The following ADGRB3 variants were observed in gnomAD, a reference collection of about 807,000 sequenced individuals.
ADGRB3 encodes the protein adhesion G protein-coupled receptor B3.
In ADGRB3, 37 loss-of-function variants were observed where a neutral mutation model predicts 193.4. The ratio of observed to expected loss-of-function variants is 0.19; its 90% confidence interval spans 0.15 to 0.25. ADGRB3 has a LOEUF of 0.25. Ranked by LOEUF, ADGRB3 falls within the 10% of genes least tolerant of loss-of-function variation. The pLI, the probability that ADGRB3 is intolerant of heterozygous loss-of-function variation, is 1.00. For missense variants in ADGRB3, 1,637 were observed against 1,852.9 expected, an observed-to-expected ratio of 0.88 and a Z score of 2.14; for synonymous variants, 690 against 644.2, an observed-to-expected ratio of 1.07 and a Z score of -1.08.
chr6:68,671,195 T>A (rs1260527154), intron 3 of ADGRB3, among the ~76,000 whole-genome samples: 1 of 152,056 alleles, frequency 6.6e-6, no homozygotes, highest in Non-Finnish European at 1.5e-5. Context: ...TTATATCATC[T>A]GTAAACATGG....
At chr6:68,796,678 T>A (rs1446157779) in intron 3 of ADGRB3, among the ~76,000 whole-genome samples, 1 of 152,194 alleles carries the variant, frequency 6.6e-6, no homozygotes, top group Non-Finnish European at 1.5e-5. Flanking sequence ...TGCAATGCAA[T>A]GTTTGCTTCT....
At chr6:68,933,768 G>A (rs1404259216) in intron 4 of ADGRB3, among the ~76,000 whole-genome samples, 4 of 151,680 alleles carry the variant, frequency 2.6e-5, no homozygotes, top group East Asian at 1.9e-4. Context: ...TCATTTTATC[G>A]AAGACATTCA....
At chr6:68,923,297 A>G (rs1009127664) in intron 3 of ADGRB3, among the ~76,000 whole-genome samples, 8 of 152,202 alleles carry the variant, frequency 5.3e-5, no homozygotes, top group African/African-American at 1.9e-4. Flanking sequence ...TATGTAAAAG[A>G]CAGAAGAAAC....
intron 13 of ADGRB3, among the ~76,000 whole-genome samples, chr6:69,031,054 C>T (rs1562128905): frequency 0.03 from 708 of 23,874 alleles, 100 homozygotes; most frequent in Middle Eastern, 0.071. Flanking sequence ...CTCTTCTCTT[C>T]TCTTCTCTTC....
rs559558838 is a variant in ADGRB3, at chr6:68,712,649, G to A, written c.757+73217G>A. On this transcript the variant is annotated intron_variant, in intron 3 of 31. Transcript: ENST00000370598. ...AGGAGAGAGACAAAGAAAAACAGAG[G>A]GAAAAATATGAGAGAGGGGTTTGGT... Among the ~76,000 whole-genome samples, 10 of 151,838 alleles carry A rather than the reference G, an allele frequency of 6.6e-5. No individual in the cohort carries two copies. The South Asian group carries it at 1.5e-3, about 22-fold the overall frequency.
chr6:69,242,115 A>G (rs954553337), intron 20 of ADGRB3, among the ~76,000 whole-genome samples: 3 of 151,896 alleles, frequency 2.0e-5, no homozygotes, highest in African/African-American at 7.2e-5. Context: ...AGAATTTGGT[A>G]TGTGAAAGGC....
intron 20 of ADGRB3, among the ~76,000 whole-genome samples, chr6:69,312,043 G>A (rs1180176050): frequency 1.3e-5 from 2 of 151,716 alleles, no homozygotes; most frequent in African/African-American, 2.4e-5. Context: ...CTCACTAGGA[G>A]CATGCCTACC....
chr6:69,008,403 A>G (rs1769836692), intron 11 of ADGRB3, among the ~76,000 whole-genome samples: 1 of 152,034 alleles, frequency 6.6e-6, no homozygotes, highest in Admixed American at 6.6e-5. Context: ...TCGTTTTTTC[A>G]TTTGCACATC....
Position 69,293,596 on chromosome 6 carries a change from C to T in ADGRB3, c.2815-31276C>T, listed in dbSNP as rs141622246. On this transcript the variant is annotated intron_variant, in intron 20 of 31. Coordinates refer to ENST00000370598, the MANE Select transcript of ADGRB3 (RefSeq NM_001704.3). ...TATTCACTTTCTCTTGGCTCCATTTCGTTCTCTAAAGAGTCTTGACTGCAT... is the reference window on the plus strand; with the variant it reads ...TATTCACTTTCTCTTGGCTCCATTTTGTTCTCTAAAGAGTCTTGACTGCAT... Among the ~76,000 whole-genome samples the T allele has an allele frequency of 3.6e-3, 548 of 152,282 alleles. 1 individual carries two copies. Among genetic ancestry groups the T allele is most frequent in the Non-Finnish European group, 5.5e-3 (374 of 68,028 alleles).
intron 3 of ADGRB3, among the ~76,000 whole-genome samples, chr6:68,728,894 A>G (rs747476036): frequency 1.3e-5 from 2 of 151,602 alleles, no homozygotes; most frequent in Non-Finnish European, 3.0e-5. Flanking sequence ...TTGCCCATTC[A>G]GACTGTATAT....
intron 20 of ADGRB3, among the ~76,000 whole-genome samples, chr6:69,258,595 G>C (rs1305619177): frequency 6.6e-6 from 1 of 152,236 alleles, no homozygotes; most frequent in Non-Finnish European, 1.5e-5. Context: ...ATGGTGTATA[G>C]TCCAGAGCTT....
rs893661021 is a variant in ADGRB3, at chr6:69,096,773, A to G, written c.2480+20735A>G. 7.4e-4 allele frequency among the ~76,000 whole-genome samples: 113 copies of G among 152,296 alleles called. 1 individual carries two copies. Among genetic ancestry groups the G allele is most frequent in the African/African-American group, 2.5e-3 (104 of 41,562 alleles). ...TCTCAGCTTCACTGTAGAAGATGAC[A>G]ATACCTTTCTGACCTCTTTAAGTGC... On this transcript the variant is annotated intron_variant, in intron 17 of 31. Transcript: ENST00000370598.
chr6:69,185,149 T>G (rs1765042600), intron 17 of ADGRB3, among the ~76,000 whole-genome samples: 1 of 152,140 alleles, frequency 6.6e-6, no homozygotes, highest in African/African-American at 2.4e-5. Flanking sequence ...ACAAGGGAAA[T>G]AAGTATAACT....
At chr6:68,951,198 A>C (rs1215695410) in intron 6 of ADGRB3, among the ~76,000 whole-genome samples, 1 of 152,142 alleles carries the variant, frequency 6.6e-6, no homozygotes, top group Non-Finnish European at 1.5e-5. Context: ...AATATTAGTG[A>C]ATTTATTTTA....
At chr6:69,000,380 C>T (rs1340808328) in intron 11 of ADGRB3, among the ~76,000 whole-genome samples, 8 of 152,106 alleles carry the variant, frequency 5.3e-5, no homozygotes, top group South Asian at 4.1e-4. Context: ...GTTTTATGTG[C>T]GTTTCAGTTA....
At chr6:69,054,491 T>G (rs1398849969) in intron 15 of ADGRB3, among the ~76,000 whole-genome samples, 3 of 152,216 alleles carry the variant, frequency 2.0e-5, no homozygotes, top group African/African-American at 7.2e-5. Flanking sequence ...ACTTTGAATC[T>G]TCCTTTTTAA....
At chr6:68,935,859 A>G (rs890727273) in intron 4 of ADGRB3, among the ~76,000 whole-genome samples, 3 of 152,216 alleles carry the variant, frequency 2.0e-5, no homozygotes, top group African/African-American at 7.2e-5. Flanking sequence ...AATGAAAATT[A>G]TCAAGAAATT....
At chr6:68,944,171 T>C (rs867718950) in intron 6 of ADGRB3, among the ~76,000 whole-genome samples, 177 bp downstream of exon 6, 1 of 152,222 alleles carries the variant, frequency 6.6e-6, no homozygotes, top group Admixed American at 6.6e-5. Context: ...TGTAGTATTG[T>C]AGAATATGTC....
chr6:68,745,977 G>C (rs1453390594), intron 3 of ADGRB3, among the ~76,000 whole-genome samples: 1 of 151,852 alleles, frequency 6.6e-6, no homozygotes, highest in Non-Finnish European at 1.5e-5. Context: ...TTTTATTGAT[G>C]GGCATATTTA....
Sources: allele counts gnomAD v4.1 joint callset (sites outside exome capture counted in the v4.1 genomes callset), GRCh38; gene constraint gnomAD v4.1.1; transcripts MANE v1.5; gene names NCBI Gene and HGNC (gene_info 2026-07-23, HGNC 2026-07-21).